The following SPATA13 variants were observed in gnomAD, a reference collection of about 807,000 sequenced individuals.
SPATA13 encodes the protein spermatogenesis associated 13.
In SPATA13, 50 loss-of-function variants were observed where a neutral mutation model predicts 104.0. The observed-to-expected ratio is 0.48, with a 90% CI of 0.38 to 0.61. The LOEUF (loss-of-function observed/expected upper bound fraction) is 0.61. Ranked by LOEUF, SPATA13 falls within the 20% of genes least tolerant of loss-of-function variation. The pLI is 0.00. For missense variants in SPATA13, 1,524 were observed against 1,690.6 expected, an observed-to-expected ratio of 0.90 and a Z score of 1.73; for synonymous variants, 606 against 667.5, an observed-to-expected ratio of 0.91 and a Z score of 1.42.
intron 4 of SPATA13, among the ~76,000 whole-genome samples, chr13:24,256,878 G>T (rs575938462): frequency 6.6e-6 from 1 of 152,244 alleles, no homozygotes; most frequent in Non-Finnish European, 1.5e-5. Context: ...CCACTGCATT[G>T]TTGGGGATGG....
chr13:24,057,011 C>G (rs1290410735), intron 3 of SPATA13, among the ~76,000 whole-genome samples: 6 of 137,782 alleles, frequency 4.4e-5, no homozygotes, highest in African/African-American at 8.6e-5. Context: ...TTCTTTCTCT[C>G]TCTCTCTCTC....
chr13:24,140,904 T>C (rs1881740773), intron 3 of SPATA13, among the ~76,000 whole-genome samples: 1 of 152,192 alleles, frequency 6.6e-6, no homozygotes, highest in Non-Finnish European at 1.5e-5. Flanking sequence ...GGCTGGCCAC[T>C]GTGGCTCACG....
chr13:24,072,521 G>T (rs1395969204), intron 3 of SPATA13, among the ~76,000 whole-genome samples: 2 of 152,158 alleles, frequency 1.3e-5, no homozygotes, highest in Non-Finnish European at 2.9e-5. Context: ...CTTTAGAGAT[G>T]AGCCTCCTGA....
At chr13:24,164,982 G>A (rs1882661646) in intron 1 of SPATA13, among the ~76,000 whole-genome samples, 1 of 152,188 alleles carries the variant, frequency 6.6e-6, no homozygotes, top group African/African-American at 2.4e-5. Context: ...CAACACCGCA[G>A]AATGCAAGGA....
At chr13:24,005,329 A>G (rs938676041) in intron 2 of SPATA13, among the ~76,000 whole-genome samples, 1 of 152,236 alleles carries the variant, frequency 6.6e-6, no homozygotes, top group Admixed American at 6.5e-5. Context: ...TTGTATGTTT[A>G]GAGGCGAGAA....
chr13:24,187,782 C>T (rs1034372194), intron 1 of SPATA13, among the ~76,000 whole-genome samples: 6 of 152,180 alleles, frequency 3.9e-5, no homozygotes, highest in African/African-American at 1.4e-4. Flanking sequence ...TGGCCACTCC[C>T]AGTCTCTCTG....
chr13:24,213,371 A>G (rs535224011), intron 1 of SPATA13, among the ~76,000 whole-genome samples: 14 of 152,274 alleles, frequency 9.2e-5, no homozygotes, highest in African/African-American at 3.1e-4. Flanking sequence ...GGTTCAAGCA[A>G]TTCTTTTGCC....
intron 2 of SPATA13, among the ~76,000 whole-genome samples, chr13:23,994,694 T>A (rs1177447448): frequency 6.6e-6 from 1 of 152,192 alleles, no homozygotes; most frequent in Non-Finnish European, 1.5e-5. Flanking sequence ...AGAGTGCTGT[T>A]TTTTTAACCT....
At chr13:24,207,674 A>C (rs1338232615) in intron 1 of SPATA13, among the ~76,000 whole-genome samples, 1 of 152,244 alleles carries the variant, frequency 6.6e-6, no homozygotes, top group African/African-American at 2.4e-5. Context: ...ATCTTAGGAA[A>C]AGAATGCAGT....
chr13:24,022,737 G>A (rs556100154), intron 3 of SPATA13, among the ~76,000 whole-genome samples: 1 of 152,244 alleles, frequency 6.6e-6, no homozygotes, highest in South Asian at 2.1e-4. Flanking sequence ...GGAGGATTTG[G>A]GGTCACCATT....
Position 24,088,944 on chromosome 13 carries a change from C to T in SPATA13, c.-112+71243C>T, listed in dbSNP as rs188326221. Among the ~76,000 whole-genome samples the T allele has an allele frequency of 6.6e-6, 1 of 152,280 alleles. No homozygotes were observed. The highest frequency in any genetic ancestry group is 1.5e-5 in the Non-Finnish European group (1 of 68,026). ...AGAGGTGGAAGGGAATGATCTGGGTCTGGAGACAGGGATGCGGTCATCGAC... is the reference window on the plus strand; with the variant it reads ...AGAGGTGGAAGGGAATGATCTGGGTTTGGAGACAGGGATGCGGTCATCGAC... On this transcript the variant is annotated intron_variant, in intron 3 of 14. Transcript: ENST00000424834. This position sits in a 1 kb window ranked among gnomAD's most constrained non-coding sequence, Gnocchi z 4.3.
chr13:24,137,731 C>T (rs1336114731), intron 3 of SPATA13, among the ~76,000 whole-genome samples: 1 of 152,148 alleles, frequency 6.6e-6, no homozygotes, highest in East Asian at 1.9e-4. Flanking sequence ...TGCACTCCAG[C>T]CTGGGAGTGA....
intron 2 of SPATA13, among the ~76,000 whole-genome samples, chr13:24,229,642 T>C (rs1433792966): frequency 6.6e-6 from 1 of 152,096 alleles, no homozygotes; most frequent in Non-Finnish European, 1.5e-5. Context: ...AATATAACAC[T>C]GTTACAGTCT....
intron 1 of SPATA13, among the ~76,000 whole-genome samples, chr13:24,207,894 C>T (rs2138582976): frequency 6.6e-6 from 1 of 152,274 alleles, no homozygotes; most frequent in East Asian, 1.9e-4. Flanking sequence ...GATCTTAGGA[C>T]CTAACCTCAG....
chr13:24,229,002 A>G (rs1872107618), intron 2 of SPATA13, among the ~76,000 whole-genome samples: 1 of 152,252 alleles, frequency 6.6e-6, no homozygotes, highest in African/African-American at 2.4e-5. Context: ...TTTACAAAGC[A>G]TGCCATGCTC....
rs571378016 is a variant in SPATA13, at chr13:24,011,121, C to T, written c.-146-6546C>T. Among the ~76,000 whole-genome samples the T allele has an allele frequency of 1.6e-3, 248 of 152,254 alleles. 3 individuals are homozygous for T. Among genetic ancestry groups the T allele is most frequent in the South Asian group, 2.9e-3 (14 of 4,826 alleles). On this transcript the variant is annotated intron_variant, in intron 2 of 14. Transcript: ENST00000424834. This position sits in a 1 kb window ranked among gnomAD's most constrained non-coding sequence, Gnocchi z 4.3. Reference sequence around the variant, plus strand: ...TCTCCCCAGGTCCTGACCACCTGGCCGTGGGCCCCTCCCTGTAGAGCCACA... The same window carrying T: ...TCTCCCCAGGTCCTGACCACCTGGCTGTGGGCCCCTCCCTGTAGAGCCACA...
intron 3 of SPATA13, among the ~76,000 whole-genome samples, chr13:24,020,052 C>G (rs1381592058): frequency 6.6e-6 from 1 of 152,196 alleles, no homozygotes; most frequent in Non-Finnish European, 1.5e-5. Flanking sequence ...ACTCCAGCTT[C>G]TATCTTAGGA....
intron 3 of SPATA13, among the ~76,000 whole-genome samples, chr13:24,082,907 G>A (rs115641322): frequency 0.02 from 2,951 of 147,586 alleles, 85 homozygotes; most frequent in South Asian, 0.057. Context: ...CTTCTAAATC[G>A]TCTCAGTATG....
At chr13:23,993,451 T>C (rs867375029) in intron 2 of SPATA13, among the ~76,000 whole-genome samples, 1 of 152,224 alleles carries the variant, frequency 6.6e-6, no homozygotes, top group Non-Finnish European at 1.5e-5. Context: ...GTCTGCACAT[T>C]TACGGCAATA....
Sources: allele counts gnomAD v4.1 joint callset (sites outside exome capture counted in the v4.1 genomes callset), GRCh38; gene constraint gnomAD v4.1.1; non-coding constraint Gnocchi (gnomAD v3.1); transcripts MANE v1.5; gene names NCBI Gene and HGNC (gene_info 2026-07-23, HGNC 2026-07-21).